AP2B1: variants seen among roughly 807,000 people sequenced by gnomAD.
The protein encoded by AP2B1 is AP-2 complex subunit beta.
AP2B1 carries 23 observed loss-of-function variants against 102.0 expected under a neutral mutation model. The observed-to-expected ratio is 0.23, with a 90% CI of 0.16 to 0.32. The LOEUF is 0.32. Ranked by LOEUF, AP2B1 falls within the 10% of genes least tolerant of loss-of-function variation. The pLI, the probability that AP2B1 is intolerant of heterozygous loss-of-function variation, is 1.00. For synonymous variants in AP2B1, 381 were observed against 421.2 expected, an observed-to-expected ratio of 0.90 and a Z score of 1.17; for missense variants, 541 against 1,157.4, an observed-to-expected ratio of 0.47 and a Z score of 7.73.
At chr17:35,701,342 A>G (rs1443853194) in intron 18 of AP2B1, among the ~76,000 whole-genome samples, 1 of 152,208 alleles carries the variant, frequency 6.6e-6, no homozygotes, top group African/African-American at 2.4e-5. Flanking sequence ...ACTTGAAGCT[A>G]AAGGATACAC....
chr17:35,655,750 T>C (rs1202659391), intron 13 of AP2B1, among the ~76,000 whole-genome samples: 1 of 152,252 alleles, frequency 6.6e-6, no homozygotes, highest in African/African-American at 2.4e-5. Flanking sequence ...GTGTATACTC[T>C]TTCTAGCACT....
In AP2B1 at chr17:35,594,076, G is replaced by A; in HGVS notation, c.37+9G>A. 10 of 1,579,744 alleles carry A rather than the reference G, an allele frequency of 6.3e-6. No homozygotes were observed. Among genetic ancestry groups the A allele is most frequent in the Non-Finnish European group, 8.6e-6 (10 of 1,158,424 alleles). On this transcript the variant is annotated intron_variant, in intron 2 of 21. Coordinates refer to ENST00000610402, the MANE Select transcript of AP2B1 (RefSeq NM_001030006.2). ...CACAACCAATAAAAAAGGTAAGTAT[G>A]AGAATACAATCAAATCTTTTGAAAT...
intron 21 of AP2B1, among the ~76,000 whole-genome samples, chr17:35,720,573 A>ATATATATATATATTTTT (rs1324333805): frequency 3.6e-5 from 1 of 28,074 alleles, no homozygotes; most frequent in Non-Finnish European, 6.2e-5. Flanking sequence ...ATATATATAT[A>ATATATATATATATTTTT]TTTTTTTTTT....
At chr17:35,698,376 C>G (rs964143587) in intron 18 of AP2B1, among the ~76,000 whole-genome samples, 8 of 152,290 alleles carry the variant, frequency 5.3e-5, no homozygotes, top group Admixed American at 4.6e-4. Context: ...GTGGCGTGAT[C>G]ACAGCTTACT....
chr17:35,589,095 G>T (rs1177472463), intron 1 of AP2B1, among the ~76,000 whole-genome samples: 1 of 152,020 alleles, frequency 6.6e-6, no homozygotes, highest in Admixed American at 6.6e-5. Flanking sequence ...CCTTTGCTTC[G>T]TTATAATATT....
rs143178664 is a variant in AP2B1, at chr17:35,614,051, A to G, written c.525+5664A>G. Among the ~76,000 whole-genome samples, 977 of 152,282 alleles carry G rather than the reference A, an allele frequency of 6.4e-3. 9 individuals carry two copies. The highest frequency in any genetic ancestry group is 0.022 in the African/African-American group (930 of 41,558). On this transcript the variant is annotated intron_variant, in intron 5 of 21. Coordinates refer to ENST00000610402, the MANE Select transcript of AP2B1 (RefSeq NM_001030006.2). The stretch of plus-strand genomic sequence containing the variant: ...AATGATAGTATTCTCTAGCTTCGTT[A>G]CTATGGTTTTCTTTTTTGCTCTCAG...
chr17:35,637,709 A>G (rs2074649052), intron 10 of AP2B1, among the ~76,000 whole-genome samples: 1 of 144,750 alleles, frequency 6.9e-6, no homozygotes, highest in South Asian at 2.2e-4. Flanking sequence ...TTTTTTTGAG[A>G]CAGTCTCACT....
At chr17:35,657,865 G>A (rs1353604644) in intron 14 of AP2B1, 74 bp downstream of exon 14, 2 of 1,404,956 alleles carry the variant, frequency 1.4e-6, no homozygotes, top group Non-Finnish European at 1.9e-6. Flanking sequence ...AAATTATTCA[G>A]CTTTTTAGAA....
At chr17:35,609,987 T>C (rs2073807144) in intron 5 of AP2B1, among the ~76,000 whole-genome samples, 1 of 152,144 alleles carries the variant, frequency 6.6e-6, no homozygotes, top group Non-Finnish European at 1.5e-5. Context: ...TAACTACCAT[T>C]AGAAATCTTT....
At chr17:35,719,980 G>A (rs1462408760) in intron 21 of AP2B1, among the ~76,000 whole-genome samples, 1 of 152,158 alleles carries the variant, frequency 6.6e-6, no homozygotes, top group Admixed American at 6.6e-5. Flanking sequence ...ACCCGTGGAA[G>A]TGCCCAGGCC....
rs929106901 is a variant in AP2B1 at position 35,660,129 on chromosome 17, A to G, written c.1989+2338A>G. The G allele has an allele frequency of 1.7e-5, 16 of 952,978 alleles. No homozygotes were observed. In the African/African-American group the frequency reaches 1.9e-4, roughly 12 times the overall value. The allele number at this position is 952,978 out of a possible 1,614,324, so 59.0% of individuals were successfully genotyped here. ...ACCTTGAATCTCCTAAAGATTTTGT[A>G]CAAGAGAGGGTTTGTTTTGTTTTGT... On this transcript the variant is annotated intron_variant, in intron 14 of 21. Coordinates refer to ENST00000610402, the MANE Select transcript of AP2B1 (RefSeq NM_001030006.2).
At chr17:35,598,075 A>T (rs948185634) in intron 2 of AP2B1, among the ~76,000 whole-genome samples, 155 bp from the exon 3 acceptor site, 11 of 152,220 alleles carry the variant, frequency 7.2e-5, no homozygotes, top group African/African-American at 2.7e-4. Context: ...TGAGTCAGGT[A>T]ATATTCTAGG....
At chr17:35,653,989 TTTTG>T (rs1185615020) in intron 13 of AP2B1, among the ~76,000 whole-genome samples, 1 of 152,180 alleles carries the variant, frequency 6.6e-6, no homozygotes, top group African/African-American at 2.4e-5. Context: ...GCTTCTTAGT[TTTTG>T]TTTGTGTCAA....
At chr17:35,632,382 G>A (rs1598109512) in intron 9 of AP2B1, among the ~76,000 whole-genome samples, 1 of 152,086 alleles carries the variant, frequency 6.6e-6, no homozygotes, top group Non-Finnish European at 1.5e-5. Context: ...TGATCCACCC[G>A]CCTTGGCCTC....
At chr17:35,601,036 A>G (rs934409688) in intron 3 of AP2B1, 1 of 983,350 alleles carries the variant, frequency 1.0e-6, no homozygotes, top group Non-Finnish European at 1.2e-6. Context: ...CCATCTATCT[A>G]AGGAGTTGGC....
At chr17:35,705,147 G>A (rs1053108826) in intron 18 of AP2B1, among the ~76,000 whole-genome samples, 1 of 152,216 alleles carries the variant, frequency 6.6e-6, no homozygotes, top group Non-Finnish European at 1.5e-5. Context: ...GGCTGGAGAG[G>A]TAGTCTGGAG....
At chr17:35,621,452 T>G in intron 5 of AP2B1, 5 of 599,174 alleles carry the variant, frequency 8.3e-6, no homozygotes, top group Non-Finnish European at 1.0e-5. Flanking sequence ...TGGAAGGAAC[T>G]TCAAGAAATT....
At chr17:35,674,055 G>A in intron 16 of AP2B1, 121 bp from the exon 17 acceptor site, 1 of 957,508 alleles carries the variant, frequency 1.0e-6, no homozygotes, top group Non-Finnish European at 1.5e-6. Context: ...TACTATAATT[G>A]CCTAAGGAAG....
At chr17:35,709,138 G>A (rs1023903973) in intron 18 of AP2B1, 86 bp from the exon 19 acceptor site, 8 of 1,111,136 alleles carry the variant, frequency 7.2e-6, no homozygotes, top group African/African-American at 3.1e-5. Flanking sequence ...GAAATAGGGA[G>A]GCCTATTTCT....
Sources: allele counts gnomAD v4.1 joint callset (sites outside exome capture counted in the v4.1 genomes callset), GRCh38; gene constraint gnomAD v4.1.1; transcripts MANE v1.5; gene names NCBI Gene and HGNC (gene_info 2026-07-23, HGNC 2026-07-21).